SUPT3H: variants seen among roughly 807,000 people sequenced by gnomAD.
SUPT3H encodes the protein SPT3 homolog, SAGA and STAGA complex component, also known as transcription initiation protein SPT3 homolog.
A neutral mutation model predicts 44.3 loss-of-function variants in SUPT3H; 44 were observed. That is an observed-to-expected ratio of 0.99 (90% confidence interval 0.78 to 1.28). The LOEUF (loss-of-function observed/expected upper bound fraction) is 1.28, where lower values mean the gene tolerates loss of function less well. Ranked by LOEUF, SUPT3H falls within the 50% of genes most tolerant of loss-of-function variation. The pLI is 0.00. For missense variants in SUPT3H, 380 were observed against 387.1 expected (o/e 0.98, Z 0.15); for synonymous variants, 124 against 125.6 (o/e 0.99, Z 0.09).
intron 2 of SUPT3H, among the ~76,000 whole-genome samples, chr6:45,240,531 A>G (rs1486321298): frequency 6.6e-6 from 1 of 152,216 alleles, no homozygotes; most frequent in Non-Finnish European, 1.5e-5. Context: ...CTATCTGTAA[A>G]CAGAATTGGA....
intron 2 of SUPT3H, among the ~76,000 whole-genome samples, chr6:45,281,027 T>C (rs992807578): frequency 6.6e-6 from 1 of 152,246 alleles, no homozygotes; most frequent in Non-Finnish European, 1.5e-5. Context: ...AAAGTAATAG[T>C]AATTAACTGA....
At chr6:45,108,981 T>G (rs898850863) in intron 2 of SUPT3H, among the ~76,000 whole-genome samples, 15 of 152,088 alleles carry the variant, frequency 9.9e-5, no homozygotes, top group Non-Finnish European at 2.1e-4. Context: ...TTTCTGGCTA[T>G]AAGATCAATC....
At chr6:45,323,194 G>C (rs1396975120) in intron 2 of SUPT3H, among the ~76,000 whole-genome samples, 1 of 152,092 alleles carries the variant, frequency 6.6e-6, no homozygotes, top group Non-Finnish European at 1.5e-5. Flanking sequence ...GTATACATTG[G>C]TTATCAATTC....
chr6:45,146,962 G>T (rs1056982631), intron 2 of SUPT3H, among the ~76,000 whole-genome samples: 50 of 152,062 alleles, frequency 3.3e-4, no homozygotes, highest in African/African-American at 1.2e-3. Flanking sequence ...CATAATAATT[G>T]AGAACAACAA....
intron 10 of SUPT3H, among the ~76,000 whole-genome samples, chr6:44,917,140 TGA>T (rs2153455230): frequency 6.6e-6 from 1 of 151,704 alleles, no homozygotes; most frequent in African/African-American, 2.4e-5. Flanking sequence ...GGTAACAGAG[TGA>T]GACCCTGTCT....
chr6:44,916,805 G>A (rs1054194583), intron 10 of SUPT3H, among the ~76,000 whole-genome samples: 2 of 152,108 alleles, frequency 1.3e-5, no homozygotes, highest in Admixed American at 6.6e-5. Flanking sequence ...AGTGCTGGAA[G>A]CTTTGAAGTA....
At chr6:45,357,840 G>C (rs4714852) in intron 2 of SUPT3H, among the ~76,000 whole-genome samples, 151,924 of 152,306 alleles carry the variant, frequency 1, 75,772 homozygotes, top group Middle Eastern at 1. Context: ...ACATAATAAT[G>C]AAGTGTAATA....
intron 2 of SUPT3H, among the ~76,000 whole-genome samples, chr6:45,270,408 G>C (rs1055659986): frequency 6.6e-6 from 1 of 152,160 alleles, no homozygotes; most frequent in African/African-American, 2.4e-5. Flanking sequence ...TGAATCATGG[G>C]GGGAGGACTT....
intron 6 of SUPT3H, among the ~76,000 whole-genome samples, chr6:44,969,418 A>C (rs919858293): frequency 3.3e-5 from 5 of 151,896 alleles, no homozygotes; most frequent in Non-Finnish European, 7.4e-5. Context: ...TTTTTTTTTT[A>C]ACAGTGAATT....
intron 2 of SUPT3H, among the ~76,000 whole-genome samples, chr6:45,318,273 T>C (rs958460453): frequency 1.3e-5 from 2 of 151,958 alleles, no homozygotes; most frequent in Non-Finnish European, 2.9e-5. Context: ...GAGAGAAGGA[T>C]AGGAGGTGCA....
intron 9 of SUPT3H, among the ~76,000 whole-genome samples, chr6:44,952,448 G>A (rs1028560528): frequency 3.3e-5 from 5 of 152,198 alleles, no homozygotes; most frequent in Non-Finnish European, 7.3e-5. Context: ...TTAACAAGGA[G>A]TAGAAATGTG....
At position 44,939,167 on chromosome 6, in the gene SUPT3H, C is replaced by A. The variant is rs574639881; in HGVS notation, c.802-6404G>T. 6.6e-5 allele frequency among the ~76,000 whole-genome samples: 10 copies of A among 152,216 alleles called. No homozygotes were observed. The South Asian group carries it at 1.7e-3, about 25-fold the overall frequency. On this transcript the variant is annotated intron_variant, in intron 9 of 10. Transcript: ENST00000371459. ...TTACAGTTCTTTGAGGGAACGCTTTCAACTTTTTCCACTTCAGTATGATGT... is the reference window on the plus strand; with the variant it reads ...TTACAGTTCTTTGAGGGAACGCTTTAAACTTTTTCCACTTCAGTATGATGT...
chr6:44,942,116 A>T (rs1317168518), intron 9 of SUPT3H, among the ~76,000 whole-genome samples: 3 of 152,184 alleles, frequency 2.0e-5, no homozygotes, highest in Non-Finnish European at 4.4e-5. Flanking sequence ...ATTTCTAAAA[A>T]CATAAAAAAT....
intron 2 of SUPT3H, among the ~76,000 whole-genome samples, chr6:45,324,832 A>T (rs114728934): frequency 6.6e-6 from 1 of 152,026 alleles, no homozygotes; most frequent in Non-Finnish European, 1.5e-5. Context: ...AAAGTACTAC[A>T]AAACAATGCC....
Position 44,827,221 on chromosome 6 carries a change from C to CTGTT in SUPT3H, c.*2591_*2594dup, listed in dbSNP as rs1767857387. Among the ~76,000 whole-genome samples, 1 of 152,118 alleles carries CTGTT rather than the reference C, an allele frequency of 6.6e-6. No homozygotes were observed. The highest frequency in any genetic ancestry group is 2.4e-5 in the African/African-American group (1 of 41,426). ...TAAGCCTGATGTGTAAGATAACAGA[C>CTGTT]TGTTTACTTAATACCACAGTCACAC... On this transcript the variant is annotated 3_prime_UTR_variant, in exon 11 of 11. Transcript: ENST00000371459.
chr6:45,262,103 T>G (rs1042035438), intron 2 of SUPT3H, among the ~76,000 whole-genome samples: 2 of 152,174 alleles, frequency 1.3e-5, no homozygotes, highest in Non-Finnish European at 2.9e-5. Flanking sequence ...ATATAGTCCA[T>G]GCTTGTGGAT....
chr6:45,311,724 T>C (rs1385050476), intron 2 of SUPT3H, among the ~76,000 whole-genome samples: 1 of 152,008 alleles, frequency 6.6e-6, no homozygotes, highest in Non-Finnish European at 1.5e-5. Context: ...AAACATCATA[T>C]ATGAAGGAAA....
At chr6:44,941,734 G>C (rs1772472420) in intron 9 of SUPT3H, among the ~76,000 whole-genome samples, 2 of 152,092 alleles carry the variant, frequency 1.3e-5, no homozygotes, top group African/African-American at 4.8e-5. Flanking sequence ...TACAACAATA[G>C]TATTACAGAT....
At chr6:44,928,878 G>A (rs1310336355) in intron 10 of SUPT3H, among the ~76,000 whole-genome samples, 3 of 13,580 alleles carry the variant, frequency 2.2e-4, no homozygotes, top group Admixed American at 1.3e-3. Context: ...ACGAGACTCC[G>A]TCTCAAAAAA....
Sources: allele counts gnomAD v4.1 joint callset (sites outside exome capture counted in the v4.1 genomes callset), GRCh38; gene constraint gnomAD v4.1.1; transcripts MANE v1.5; gene names NCBI Gene and HGNC (gene_info 2026-07-23, HGNC 2026-07-21).